Variants in EXOC4 observed in about 807,000 individuals in gnomAD.
The protein encoded by EXOC4 is SEC8-like 1.
A neutral mutation model predicts 107.2 loss-of-function variants in EXOC4; 71 were observed. That is an observed-to-expected ratio of 0.66 (90% confidence interval 0.55 to 0.81). EXOC4 has a LOEUF of 0.81. Ranked by LOEUF, EXOC4 falls within the 30% of genes least tolerant of loss-of-function variation. EXOC4 has a pLI of 0.00. For missense variants in EXOC4, 1,108 were observed against 1,189.6 expected (o/e 0.93, Z 1.01); for synonymous variants, 456 against 441.2 (o/e 1.03, Z -0.42).
intron 7 of EXOC4, among the ~76,000 whole-genome samples, chr7:133,434,574 G>T (rs1026541299): frequency 6.6e-6 from 1 of 152,148 alleles, no homozygotes; most frequent in Non-Finnish European, 1.5e-5. Flanking sequence ...CCCAGAGTTT[G>T]TGGTGGGGGT....
downstream of EXOC4, chr7:134,066,123 G>A (rs1366013310): frequency 1.3e-5 from 2 of 152,302 alleles, no homozygotes; most frequent in African/African-American, 4.8e-5. Context: ...ACGATATCAT[G>A]AGAAATAGTC....
At chr7:133,847,376 T>G (rs1798148200) in intron 11 of EXOC4, among the ~76,000 whole-genome samples, 1 of 76,324 alleles carries the variant, frequency 1.3e-5, no homozygotes, top group Middle Eastern at 0.01. Flanking sequence ...TTCTTTTATT[T>G]TTTTAATTTT....
intron 10 of EXOC4, among the ~76,000 whole-genome samples, chr7:133,684,615 G>A (rs1436064539): frequency 6.6e-6 from 1 of 152,198 alleles, no homozygotes; most frequent in Non-Finnish European, 1.5e-5. Context: ...GCTAAAATAT[G>A]TGGTAAATTT....
At chr7:133,922,210 A>G (rs1360955071) in intron 13 of EXOC4, among the ~76,000 whole-genome samples, 3 of 152,194 alleles carry the variant, frequency 2.0e-5, no homozygotes, top group African/African-American at 7.2e-5. Flanking sequence ...AACTGTGCCA[A>G]TTTTTACACT....
At chr7:133,770,408 C>A (rs572928243) in intron 10 of EXOC4, among the ~76,000 whole-genome samples, 59 of 151,848 alleles carry the variant, frequency 3.9e-4, no homozygotes, top group Non-Finnish European at 7.7e-4. Context: ...CTTCTGTGAT[C>A]GTTAAAAAAG....
chr7:134,035,399 CAGG>C (rs1277290653), intron 17 of EXOC4, among the ~76,000 whole-genome samples: 1 of 152,034 alleles, frequency 6.6e-6, no homozygotes, highest in Non-Finnish European at 1.5e-5. Flanking sequence ...TGGGAGTAGG[CAGG>C]AGATTTGTTG....
At chr7:133,258,669 C>T (rs771910247) in intron 1 of EXOC4, among the ~76,000 whole-genome samples, 8 of 152,046 alleles carry the variant, frequency 5.3e-5, no homozygotes, top group African/African-American at 1.4e-4. Flanking sequence ...ATAAATTTGC[C>T]GGATAGCAAC....
chr7:133,274,864 C>T, intron 1 of EXOC4, 118 bp from the exon 2 acceptor site: 1 of 736,466 alleles, frequency 1.4e-6, no homozygotes, highest in Non-Finnish European at 2.1e-6. Flanking sequence ...ATTTCATTTC[C>T]TAGTTAATAA....
rs537865268 is a variant in EXOC4 at position 133,408,543 on chromosome 7, G to A, written c.1182+33541G>A. 2.0e-4 allele frequency among the ~76,000 whole-genome samples: 30 copies of A among 151,886 alleles called. No individual in the cohort carries two copies. The South Asian group carries it at 2.9e-3, about 15-fold the overall frequency. On this transcript the variant is annotated intron_variant, in intron 7 of 17. Transcript: ENST00000253861. ...GTGATGATGGAGTTGAGGAGGGGGC[G>A]GTGATGGTGAAGATGCTGATGGTAA...
chr7:133,837,208 C>T (rs559607909), intron 11 of EXOC4, among the ~76,000 whole-genome samples: 8 of 152,200 alleles, frequency 5.3e-5, no homozygotes, highest in African/African-American at 1.2e-4. Context: ...TTAGGAAGTG[C>T]GAAAATTTAA....
intron 5 of EXOC4, among the ~76,000 whole-genome samples, chr7:133,333,506 G>A (rs975224054): frequency 2.0e-5 from 3 of 152,098 alleles, no homozygotes; most frequent in African/African-American, 4.8e-5. Context: ...TGCTGCTGGT[G>A]TAATGTTGCT....
intron 5 of EXOC4, among the ~76,000 whole-genome samples, chr7:133,355,721 T>A (rs1008435986): frequency 6.6e-6 from 1 of 151,394 alleles, no homozygotes; most frequent in African/African-American, 2.4e-5. Flanking sequence ...TAGATAATTA[T>A]GTTGTAGCAG....
intron 17 of EXOC4, among the ~76,000 whole-genome samples, chr7:134,017,530 CA>C (rs1794938185): frequency 6.6e-6 from 1 of 152,084 alleles, no homozygotes; most frequent in Non-Finnish European, 1.5e-5. Context: ...TACATCTCTC[CA>C]ATTAAACCTT....
At chr7:133,464,159 GA>G (rs1280517997) in intron 7 of EXOC4, among the ~76,000 whole-genome samples, 1 of 152,168 alleles carries the variant, frequency 6.6e-6, no homozygotes. Flanking sequence ...TTAATTCTAT[GA>G]AGTAGTTCTT....
At chr7:133,653,541 G>A (rs201889705) in intron 10 of EXOC4, among the ~76,000 whole-genome samples, 1 of 152,174 alleles carries the variant, frequency 6.6e-6, no homozygotes, top group African/African-American at 2.4e-5. Flanking sequence ...GGTTGATAGG[G>A]TAAATACCCT....
chr7:133,623,282 T>A (rs937484473), intron 9 of EXOC4, among the ~76,000 whole-genome samples: 5 of 152,196 alleles, frequency 3.3e-5, no homozygotes, highest in Non-Finnish European at 7.3e-5. Context: ...ATGAATTTAT[T>A]TCTATTTGGG....
chr7:133,647,286 A>G (rs1479946728), intron 10 of EXOC4, among the ~76,000 whole-genome samples: 3 of 152,316 alleles, frequency 2.0e-5, no homozygotes, highest in Admixed American at 1.3e-4. Context: ...GTAAGGGTAC[A>G]TTCTGGGTCA....
intron 10 of EXOC4, among the ~76,000 whole-genome samples, chr7:133,715,804 T>A (rs1035120845): frequency 1.3e-5 from 2 of 152,140 alleles, no homozygotes; most frequent in Non-Finnish European, 2.9e-5. Context: ...AGGGTACCAG[T>A]GCCCTTTCAC....
At chr7:133,559,900 C>T (rs1379803380) in intron 9 of EXOC4, among the ~76,000 whole-genome samples, 1 of 152,110 alleles carries the variant, frequency 6.6e-6, no homozygotes, top group Non-Finnish European at 1.5e-5. Context: ...GAAATGAAGT[C>T]ATTAAAAACA....
Sources: allele counts gnomAD v4.1 joint callset (sites outside exome capture counted in the v4.1 genomes callset), GRCh38; gene constraint gnomAD v4.1.1; transcripts MANE v1.5; gene names NCBI Gene and HGNC (gene_info 2026-07-23, HGNC 2026-07-21).